Variants in CSNK2A2IP observed in about 807,000 individuals in gnomAD.
The protein encoded by CSNK2A2IP is casein kinase 2 subunit alpha' interacting protein.
At chr3:88,415,577 T>C in the CSNK2A2IP span, among the ~76,000 whole-genome samples, 147 of 152,072 alleles carry the variant, frequency 9.7e-4, 2 homozygotes, top group South Asian at 0.029. Context: ...ACTATGATTG[T>C]TAAATGAAAC....
chr3:88,448,253 C>A, the CSNK2A2IP span, among the ~76,000 whole-genome samples: 1 of 152,090 alleles, frequency 6.6e-6, no homozygotes, highest in Non-Finnish European at 1.5e-5. Context: ...ATGTTTGATT[C>A]CTATGCAAAG....
At chr3:88,340,983 T>C in the CSNK2A2IP span, among the ~76,000 whole-genome samples, 1 of 151,966 alleles carries the variant, frequency 6.6e-6, no homozygotes, top group Admixed American at 6.6e-5. Context: ...TCAAATTTTG[T>C]TAGTCTTTTG....
chr3:88,369,325 T>G, the CSNK2A2IP span, among the ~76,000 whole-genome samples: 31 of 152,112 alleles, frequency 2.0e-4, no homozygotes, highest in Non-Finnish European at 3.8e-4. Context: ...TTTGTGTGTG[T>G]GTGTGTGTTG....
the CSNK2A2IP span, among the ~76,000 whole-genome samples, chr3:88,347,762 A>G: frequency 6.6e-6 from 1 of 152,028 alleles, no homozygotes; most frequent in Non-Finnish European, 1.5e-5. Context: ...TTTTGGATAT[A>G]AAGACCTTTT....
At chr3:88,421,582 C>A in the CSNK2A2IP span, among the ~76,000 whole-genome samples, 1 of 151,876 alleles carries the variant, frequency 6.6e-6, no homozygotes, top group Non-Finnish European at 1.5e-5. Context: ...GCCTGGCTAA[C>A]TTTTTGTATT....
the CSNK2A2IP span, among the ~76,000 whole-genome samples, chr3:88,377,331 T>C: frequency 6.6e-6 from 1 of 151,832 alleles, no homozygotes; most frequent in Non-Finnish European, 1.5e-5. Flanking sequence ...TTTTCTTTTA[T>C]CTCTATCTTT....
At chr3:88,356,278 C>A in the CSNK2A2IP span, among the ~76,000 whole-genome samples, 2 of 152,150 alleles carry the variant, frequency 1.3e-5, no homozygotes, top group East Asian at 3.9e-4. Context: ...TTGGTAACCA[C>A]CATCATTTAT....
At chr3:88,419,608 T>A in the CSNK2A2IP span, among the ~76,000 whole-genome samples, 1 of 152,176 alleles carries the variant, frequency 6.6e-6, no homozygotes, top group African/African-American at 2.4e-5. Flanking sequence ...TTATATTTCT[T>A]TGGATATATA....
chr3:88,461,358 T>C, the CSNK2A2IP span, among the ~76,000 whole-genome samples: 1 of 151,678 alleles, frequency 6.6e-6, no homozygotes, highest in South Asian at 2.1e-4. Flanking sequence ...TCGAGACCAT[T>C]CTGGCTAACA....
At chr3:88,457,964 T>G in the CSNK2A2IP span, among the ~76,000 whole-genome samples, 1 of 151,798 alleles carries the variant, frequency 6.6e-6, no homozygotes, top group African/African-American at 2.4e-5. Context: ...GTTTTCTATT[T>G]GTTCTTGAGT....
the CSNK2A2IP span, among the ~76,000 whole-genome samples, chr3:88,463,922 A>G: frequency 1.2e-4 from 18 of 152,206 alleles, no homozygotes; most frequent in South Asian, 8.3e-4. Context: ...ACAATGATAG[A>G]CTGGATTAAG....
chr3:88,390,824 G>C, the CSNK2A2IP span, among the ~76,000 whole-genome samples: 4 of 152,138 alleles, frequency 2.6e-5, no homozygotes, highest in Admixed American at 1.3e-4. Flanking sequence ...GCTTTTGTTA[G>C]TGTTGCATAT....
At chr3:88,372,906 TAA>T in the CSNK2A2IP span, among the ~76,000 whole-genome samples, 1 of 151,524 alleles carries the variant, frequency 6.6e-6, no homozygotes, top group South Asian at 2.1e-4. Context: ...TATTTCCTAA[TAA>T]AAGTTTTGAT....
At chr3:88,448,069 A>T in the CSNK2A2IP span, among the ~76,000 whole-genome samples, 1 of 152,214 alleles carries the variant, frequency 6.6e-6, no homozygotes, top group Non-Finnish European at 1.5e-5. Flanking sequence ...CATTTCCGGT[A>T]CTTACCAGTG....
the CSNK2A2IP span, among the ~76,000 whole-genome samples, chr3:88,447,790 C>T: frequency 6.6e-6 from 1 of 152,002 alleles, no homozygotes; most frequent in East Asian, 1.9e-4. Flanking sequence ...TACTTATCAT[C>T]AGAGTACTTA....
the CSNK2A2IP span, among the ~76,000 whole-genome samples, chr3:88,432,308 C>G: frequency 6.6e-6 from 1 of 151,786 alleles, no homozygotes; most frequent in East Asian, 1.9e-4. Context: ...TTCCATATAT[C>G]AATTGATATC....
At chr3:88,399,472 A>G in the CSNK2A2IP span, 5 of 152,228 alleles carry the variant, frequency 3.3e-5, no homozygotes, top group Admixed American at 6.5e-5. Flanking sequence ...AATACAGACC[A>G]ATAAGAGTTT....
chr3:88,432,404 G>A, the CSNK2A2IP span, among the ~76,000 whole-genome samples: 7 of 151,776 alleles, frequency 4.6e-5, no homozygotes, highest in African/African-American at 1.7e-4. Flanking sequence ...TGAAATCTAT[G>A]GCATAAAGTA....
At chr3:88,431,130 A>G in the CSNK2A2IP span, 1 of 152,246 alleles carries the variant, frequency 6.6e-6, no homozygotes, top group Non-Finnish European at 1.5e-5. Context: ...ATTAAATTCC[A>G]GGATAACAGC....
Sources: gnomAD v4.1 joint callset for allele counts (sites outside exome capture counted in the v4.1 genomes callset) on GRCh38, gnomAD v4.1.1 for gene constraint, MANE v1.5 for transcripts, NCBI Gene and HGNC (gene_info 2026-07-23, HGNC 2026-07-21) for gene names.